PCDH15: variants seen among roughly 807,000 people sequenced by gnomAD.
PCDH15 encodes the protein protocadherin-15.
PCDH15 carries 129 observed loss-of-function variants against 178.5 expected under a neutral mutation model. The observed-to-expected ratio is 0.72, with a 90% CI of 0.63 to 0.84. PCDH15 has a LOEUF of 0.84. Ranked by LOEUF, PCDH15 falls within the 40% of genes least tolerant of loss-of-function variation. PCDH15 has a pLI of 0.00. For missense variants in PCDH15, 2,230 were observed against 2,099.9 expected, an observed-to-expected ratio of 1.06 and a Z score of -1.21; for synonymous variants, 800 against 732.0, an observed-to-expected ratio of 1.09 and a Z score of -1.50.
At chr10:54,299,159 C>A (rs2133220734) in intron 8 of PCDH15, among the ~76,000 whole-genome samples, 1 of 150,110 alleles carries the variant, frequency 6.7e-6, no homozygotes, top group South Asian at 2.1e-4. Flanking sequence ...GAGAAAGAGA[C>A]AGAAAGTCAG....
At chr10:54,655,364 A>G (rs558238010) in intron 2 of PCDH15, among the ~76,000 whole-genome samples, 1 of 151,406 alleles carries the variant, frequency 6.6e-6, no homozygotes, top group South Asian at 2.1e-4. Context: ...CTGAGCACCA[A>G]TACTGGGATA....
At chr10:54,724,032 C>T (rs1239985754) in intron 1 of PCDH15, among the ~76,000 whole-genome samples, 1 of 151,410 alleles carries the variant, frequency 6.6e-6, no homozygotes, top group Non-Finnish European at 1.5e-5. Context: ...GCAATCTCAT[C>T]CCTGAGTATC....
chr10:54,382,418 A>T (rs1376264444), intron 3 of PCDH15, among the ~76,000 whole-genome samples: 2 of 152,096 alleles, frequency 1.3e-5, no homozygotes, highest in African/African-American at 4.8e-5. Context: ...TTTTCTTAAG[A>T]TCTTCTCACA....
At chr10:54,932,954 G>A (rs1837819789) in intron 2 of PCDH15, among the ~76,000 whole-genome samples, 1 of 152,016 alleles carries the variant, frequency 6.6e-6, no homozygotes, top group Non-Finnish European at 1.5e-5. Flanking sequence ...GTTCATTTAT[G>A]GTTAAGTGCT....
chr10:55,471,219 AATTT>A (rs1284471776), intron 2 of PCDH15, among the ~76,000 whole-genome samples: 1 of 152,160 alleles, frequency 6.6e-6, no homozygotes, highest in Non-Finnish European at 1.5e-5. Context: ...TTCTTGACTA[AATTT>A]ATAGATTCAC....
At chr10:53,846,195 G>T (rs183802116) in intron 28 of PCDH15, among the ~76,000 whole-genome samples, 12 of 151,864 alleles carry the variant, frequency 7.9e-5, no homozygotes, top group Non-Finnish European at 5.9e-5. Context: ...TCAAAACAGA[G>T]AACTGGCTGT....
At chr10:54,279,625 T>A (rs1208317877) in intron 8 of PCDH15, among the ~76,000 whole-genome samples, 2 of 137,662 alleles carry the variant, frequency 1.5e-5, no homozygotes, top group Non-Finnish European at 3.5e-5. Context: ...ATATCATGCA[T>A]TCCTTAAAGG....
At chr10:54,106,280 T>C (rs1050519123) in intron 15 of PCDH15, among the ~76,000 whole-genome samples, 6 of 152,272 alleles carry the variant, frequency 3.9e-5, no homozygotes, top group African/African-American at 1.4e-4. Flanking sequence ...AAATGAATTA[T>C]ATCTTAATAT....
intron 1 of PCDH15, among the ~76,000 whole-genome samples, chr10:54,780,869 A>C (rs1181299432): frequency 6.6e-6 from 1 of 152,104 alleles, no homozygotes; most frequent in Non-Finnish European, 1.5e-5. Flanking sequence ...TTGTCAACAG[A>C]GATCAAAACT....
chr10:55,600,516 C>T (rs1564475358), intron 2 of PCDH15, among the ~76,000 whole-genome samples: 1 of 152,080 alleles, frequency 6.6e-6, no homozygotes, highest in Admixed American at 6.6e-5. Context: ...AGAGTGCAAT[C>T]CTATTCTAGC....
chr10:55,080,840 G>A (rs572446386), intron 2 of PCDH15, among the ~76,000 whole-genome samples: 2 of 152,286 alleles, frequency 1.3e-5, no homozygotes, highest in African/African-American at 4.8e-5. Flanking sequence ...CTGGTATGGA[G>A]GGTGGGGTTG....
At chr10:53,823,516 T>C (rs2076455192) in intron 32 of PCDH15, 1 of 813,646 alleles carries the variant, frequency 1.2e-6, no homozygotes, top group Non-Finnish European at 2.2e-6. Context: ...TTTAATTCCC[T>C]GCTCTTAGAA....
At chr10:55,248,392 A>G (rs917764119) in intron 1 of PCDH15, among the ~76,000 whole-genome samples, 1 of 152,064 alleles carries the variant, frequency 6.6e-6, no homozygotes, top group Admixed American at 6.6e-5. Flanking sequence ...TCCTTAATTC[A>G]ACTATTATAA....
At chr10:54,609,607 A>G (rs1302435213) in intron 2 of PCDH15, among the ~76,000 whole-genome samples, 2 of 151,930 alleles carry the variant, frequency 1.3e-5, no homozygotes. Flanking sequence ...AAAATAACCC[A>G]TCCTTGACTG....
At chr10:54,318,717 G>A (rs1294905856) in intron 7 of PCDH15, among the ~76,000 whole-genome samples, 9 of 152,100 alleles carry the variant, frequency 5.9e-5, no homozygotes, top group Non-Finnish European at 2.9e-5. Context: ...CCCTTAATGG[G>A]TGTTTATCTG....
chr10:54,483,222 A>G (rs1210166709), intron 3 of PCDH15, among the ~76,000 whole-genome samples: 3 of 151,882 alleles, frequency 2.0e-5, no homozygotes, highest in East Asian at 1.9e-4. Flanking sequence ...TATGGACAAC[A>G]GCAACATTAG....
chr10:55,311,405 A>C (rs1302447384), intron 1 of PCDH15, among the ~76,000 whole-genome samples: 5 of 152,178 alleles, frequency 3.3e-5, no homozygotes, highest in African/African-American at 1.2e-4. Context: ...GTGACTGTGG[A>C]ACCTTGATCA....
intron 5 of PCDH15, among the ~76,000 whole-genome samples, chr10:54,359,347 T>C (rs1945612539): frequency 6.8e-6 from 1 of 147,308 alleles, no homozygotes; most frequent in South Asian, 2.1e-4. Context: ...TTATTAGTTG[T>C]TACAAAAAAT....
At chr10:55,545,209 T>C (rs1841852673) in intron 2 of PCDH15, among the ~76,000 whole-genome samples, 1 of 151,460 alleles carries the variant, frequency 6.6e-6, no homozygotes, top group Admixed American at 6.6e-5. Flanking sequence ...CTCAAGTCAC[T>C]ACAATTGGCT....
Sources: allele counts gnomAD v4.1 joint callset (sites outside exome capture counted in the v4.1 genomes callset), GRCh38; gene constraint gnomAD v4.1.1; transcripts MANE v1.5; gene names NCBI Gene and HGNC (gene_info 2026-07-23, HGNC 2026-07-21).